NCOA1: variants seen among roughly 807,000 people sequenced by gnomAD.
NCOA1 encodes nuclear receptor coactivator 1.
In NCOA1, 35 loss-of-function variants were observed where a neutral mutation model predicts 150.9. The observed-to-expected ratio is 0.23, with a 90% confidence interval of 0.18 to 0.31. The LOEUF (loss-of-function observed/expected upper bound fraction) is 0.31, where lower values mean the gene tolerates loss of function less well. NCOA1 is among the 10% of genes least tolerant of loss of function. The probability of loss-of-function intolerance (pLI) is 1.00; values close to 1 mark genes in which losing one functional copy is unlikely to be tolerated. For missense variants in NCOA1, 1,491 were observed against 1,749.3 expected, an observed-to-expected ratio of 0.85 and a Z score of 2.63; for synonymous variants, 590 against 630.0, an observed-to-expected ratio of 0.94 and a Z score of 0.95.
chr2:24,507,537 G>C (rs1403301134), intron 1 of NCOA1, among the ~76,000 whole-genome samples: 1 of 150,368 alleles, frequency 6.7e-6, no homozygotes, highest in Admixed American at 6.7e-5. Context: ...TATCAAATCA[G>C]GATATTTAGG....
intron 20 of NCOA1, among the ~76,000 whole-genome samples, chr2:24,752,958 G>T (rs1285179332): frequency 2.7e-5 from 4 of 150,008 alleles, no homozygotes; most frequent in African/African-American, 9.8e-5. Flanking sequence ...TAATTTGGTT[G>T]TGTCTTAGTT....
At chr2:24,715,111 A>G (rs1045360811) in intron 14 of NCOA1, among the ~76,000 whole-genome samples, 8 of 152,162 alleles carry the variant, frequency 5.3e-5, no homozygotes, top group African/African-American at 1.7e-4. Flanking sequence ...GATGTTTTCA[A>G]ACAAACCACC....
intron 3 of NCOA1, among the ~76,000 whole-genome samples, chr2:24,595,168 T>A (rs1407264141): frequency 6.6e-6 from 1 of 152,080 alleles, no homozygotes; most frequent in Non-Finnish European, 1.5e-5. Flanking sequence ...TGTTTCTATT[T>A]GATAGTTGTA....
intron 21 of NCOA1, among the ~76,000 whole-genome samples, chr2:24,760,306 ATTTTTTTT>A (rs70947842): frequency 2.4e-4 from 24 of 99,736 alleles, no homozygotes; most frequent in South Asian, 1.0e-3. Flanking sequence ...TGCCCGGCTA[ATTTTTTTT>A]TTTTTTTTTT....
At chr2:24,760,903 A>G (rs936875097) in intron 21 of NCOA1, among the ~76,000 whole-genome samples, 19 of 151,850 alleles carry the variant, frequency 1.3e-4, no homozygotes, top group African/African-American at 4.1e-4. Context: ...GCTGGAGTGT[A>G]ATGGCGCAGT....
chr2:24,601,070 A>G (rs146669151), intron 3 of NCOA1, among the ~76,000 whole-genome samples: 44 of 152,078 alleles, frequency 2.9e-4, no homozygotes, highest in African/African-American at 8.7e-4. Context: ...TATGCATGCA[A>G]TTTACATGGG....
At chr2:24,588,154 G>A (rs1667496754) in intron 3 of NCOA1, among the ~76,000 whole-genome samples, 1 of 151,846 alleles carries the variant, frequency 6.6e-6, no homozygotes, top group Non-Finnish European at 1.5e-5. Flanking sequence ...GTGTGATCAT[G>A]GCTCACTGCA....
At chr2:24,604,835 T>TGTAA (rs1668285788) in intron 3 of NCOA1, among the ~76,000 whole-genome samples, 1 of 152,214 alleles carries the variant, frequency 6.6e-6, no homozygotes, top group South Asian at 2.1e-4. Context: ...GGCTGACTGG[T>TGTAA]GTAAGAGGCC....
At chr2:24,745,649 T>C (rs1663880403) in intron 19 of NCOA1, among the ~76,000 whole-genome samples, 1 of 152,200 alleles carries the variant, frequency 6.6e-6, no homozygotes. Flanking sequence ...CAGGGACCTT[T>C]ACATGCTAGT....
At chr2:24,672,754 A>T (rs940766754) in intron 6 of NCOA1, among the ~76,000 whole-genome samples, 3 of 152,132 alleles carry the variant, frequency 2.0e-5, no homozygotes, top group Admixed American at 2.0e-4. Context: ...ATAATACCAT[A>T]TTTGGCTTTT....
Position 24,711,121 on chromosome 2 carries a change from G to A in NCOA1, c.2599+10G>A. 1 of 1,605,782 alleles carries A rather than the reference G, an allele frequency of 6.2e-7. No homozygotes were observed. Among genetic ancestry groups the A allele is most frequent in the Non-Finnish European group, 8.5e-7 (1 of 1,175,572 alleles). On this transcript the variant is annotated intron_variant, in intron 14 of 22. Transcript: ENST00000348332. ...ACTTCCAGGCTAAATAGTATGTTCT[G>A]GGGACAACACCTCATTTTAAACGTT...
chr2:24,633,346 G>A (rs1175382039), intron 3 of NCOA1, among the ~76,000 whole-genome samples: 2 of 152,004 alleles, frequency 1.3e-5, no homozygotes, highest in Non-Finnish European at 2.9e-5. Context: ...TTTCTAGAAA[G>A]TAGAGCAAAA....
At chr2:24,547,988 C>CA (rs34669959) in intron 1 of NCOA1, among the ~76,000 whole-genome samples, 43,819 of 74,758 alleles carry the variant, frequency 0.59, 13,472 homozygotes, top group East Asian at 0.84. Flanking sequence ...GACTCTGTCT[C>CA]AAAAAAAAAA....
intron 12 of NCOA1, 33 bp from the exon 13 acceptor site, chr2:24,706,535 G>A: frequency 6.5e-7 from 1 of 1,539,430 alleles, no homozygotes. Context: ...AACAAATGAA[G>A]ATGTTTGAAT....
Position 24,674,007 on chromosome 2 carries a change from C to T in NCOA1, c.354+544C>T, listed in dbSNP as rs77597846. 9.3e-3 allele frequency among the ~76,000 whole-genome samples: 1,399 copies of T among 149,952 alleles called. 10 individuals are homozygous for T. Among genetic ancestry groups the T allele is most frequent in the Non-Finnish European group, 0.013 (873 of 67,414 alleles). ...AATTACTGTGTAATTTTCACCCCTG[C>T]ATTTTCTATCTAATCTTTACTCCCT... is the stretch of plus-strand genomic sequence containing the variant. On this transcript the variant is annotated intron_variant, in intron 7 of 22. Coordinates refer to ENST00000348332, the MANE Select transcript of NCOA1 (RefSeq NM_003743.5).
At chr2:24,720,515 G>A (rs550729610) in intron 14 of NCOA1, among the ~76,000 whole-genome samples, 8 of 152,232 alleles carry the variant, frequency 5.3e-5, no homozygotes, top group Non-Finnish European at 7.4e-5. Context: ...GTTTCACCTC[G>A]TGCTAATATG....
intron 2 of NCOA1, among the ~76,000 whole-genome samples, chr2:24,582,332 A>G (rs1667225391): frequency 6.6e-6 from 1 of 152,202 alleles, no homozygotes; most frequent in Admixed American, 6.5e-5. Flanking sequence ...ACTAGCCTGG[A>G]AAAGAAAGCA....
chr2:24,714,360 C>G (rs1384245114), intron 14 of NCOA1, among the ~76,000 whole-genome samples: 1 of 151,832 alleles, frequency 6.6e-6, no homozygotes, highest in Non-Finnish European at 1.5e-5. Context: ...GTGACCCATA[C>G]CCAAACAAAG....
chr2:24,587,938 G>T (rs1667485934), intron 3 of NCOA1, among the ~76,000 whole-genome samples: 2 of 152,180 alleles, frequency 1.3e-5, no homozygotes, highest in Non-Finnish European at 1.5e-5. Context: ...GATAGCCCTT[G>T]AAATCTTGGA....
Sources: gnomAD v4.1 joint callset for allele counts (sites outside exome capture counted in the v4.1 genomes callset) on GRCh38, gnomAD v4.1.1 for gene constraint, MANE v1.5 for transcripts, NCBI Gene and HGNC (gene_info 2026-07-23, HGNC 2026-07-21) for gene names.